Variants in PALS2 observed in about 807,000 individuals in gnomAD.
PALS2 encodes protein PALS2.
A neutral mutation model predicts 61.6 loss-of-function variants in PALS2; 27 were observed. That is an observed-to-expected ratio of 0.44 (90% CI 0.32 to 0.60). The LOEUF is 0.60. PALS2 is among the 20% of genes least tolerant of loss of function. PALS2 has a pLI of 0.05. For missense variants in PALS2, 554 were observed against 639.4 expected (o/e 0.87, Z 1.44); for synonymous variants, 236 against 218.6 (o/e 1.08, Z -0.70).
chr7:24,608,593 G>A (rs926975997), intron 1 of PALS2, among the ~76,000 whole-genome samples: 3 of 152,048 alleles, frequency 2.0e-5, no homozygotes, highest in African/African-American at 7.2e-5. Context: ...TTAGTCTGCT[G>A]TTACATTTTA....
intron 2 of PALS2, among the ~76,000 whole-genome samples, chr7:24,625,820 C>A (rs559179787): frequency 2.0e-5 from 3 of 152,114 alleles, no homozygotes; most frequent in African/African-American, 7.2e-5. Context: ...CAGGCAGATT[C>A]TTAATAAGGA....
intron 1 of PALS2, among the ~76,000 whole-genome samples, chr7:24,602,244 A>G (rs1783745854): frequency 6.6e-6 from 1 of 151,160 alleles, no homozygotes; most frequent in South Asian, 2.1e-4. Context: ...CATGAGTATG[A>G]TATTCTTCTT....
intron 5 of PALS2, 187 bp from the exon 6 acceptor site, chr7:24,663,403 T>A: frequency 2.2e-6 from 1 of 462,542 alleles, no homozygotes. Context: ...AGTTTTATTA[T>A]CTTTCTGATA....
intron 2 of PALS2, among the ~76,000 whole-genome samples, chr7:24,638,029 G>T (rs887016102): frequency 3.3e-5 from 5 of 151,942 alleles, no homozygotes; most frequent in Non-Finnish European, 7.4e-5. Context: ...GTTATTTTTT[G>T]TGTGTGTTTC....
intron 1 of PALS2, among the ~76,000 whole-genome samples, chr7:24,590,899 T>C (rs1336479357): frequency 6.6e-6 from 1 of 151,724 alleles, no homozygotes; most frequent in Non-Finnish European, 1.5e-5. Flanking sequence ...CATTTTTAGA[T>C]GTTTTGTGAG....
At chr7:24,574,464 C>T (rs1222998761) in intron 1 of PALS2, among the ~76,000 whole-genome samples, 2 of 151,970 alleles carry the variant, frequency 1.3e-5, no homozygotes, top group Admixed American at 1.3e-4. Flanking sequence ...CTACCAGTTT[C>T]TGGGATTGCA....
At chr7:24,585,342 G>A (rs566254159) in intron 1 of PALS2, among the ~76,000 whole-genome samples, 16 of 152,148 alleles carry the variant, frequency 1.1e-4, no homozygotes, top group Non-Finnish European at 2.2e-4. Context: ...ATTTCGTTGA[G>A]CAGTGGTTTG....
chr7:24,693,104 T>C lies in PALS2; in HGVS notation c.*5490T>C, dbSNP rs1310623096. The C allele has an allele frequency of 1.3e-5, 2 of 152,182 alleles. No homozygotes were observed. Among genetic ancestry groups the C allele is most frequent in the East Asian group, 1.9e-4 (1 of 5,194 alleles). The allele number at this position is 152,182 out of a possible 1,614,324, so 9.4% of individuals were successfully genotyped here. A position where few individuals can be genotyped will look rare whatever the true frequency, so the allele number is the denominator to read the frequency against. Reference sequence around the variant, plus strand: ...TCCCCTCCTACTGGCTCTTACTGTTTTCTAATCTCCAGTGTAAATGGAATG... The same window carrying C: ...TCCCCTCCTACTGGCTCTTACTGTTCTCTAATCTCCAGTGTAAATGGAATG... On this transcript the variant is annotated 3_prime_UTR_variant, in exon 12 of 12. Coordinates refer to ENST00000222644, the MANE Select transcript of PALS2 (RefSeq NM_001303037.2).
intron 1 of PALS2, among the ~76,000 whole-genome samples, chr7:24,590,646 G>A (rs532299875): frequency 6.6e-6 from 1 of 152,204 alleles, no homozygotes; most frequent in Admixed American, 6.5e-5. Flanking sequence ...CAAAGTAGGG[G>A]TTAGTCCTAT....
chr7:24,640,557 A>G (rs1006455942), intron 2 of PALS2, among the ~76,000 whole-genome samples: 8 of 152,184 alleles, frequency 5.3e-5, no homozygotes, highest in African/African-American at 1.9e-4. Context: ...GGTTTTGTTT[A>G]TGAATTAAAT....
intron 1 of PALS2, among the ~76,000 whole-genome samples, chr7:24,615,644 C>T (rs1313068571): frequency 6.6e-6 from 1 of 151,486 alleles, no homozygotes; most frequent in African/African-American, 2.4e-5. Flanking sequence ...ATGGCTTCAC[C>T]ACTAAATTAT....
intron 5 of PALS2, among the ~76,000 whole-genome samples, chr7:24,655,515 GTC>G (rs1431948343): frequency 1.3e-5 from 2 of 151,452 alleles, no homozygotes; most frequent in African/African-American, 4.9e-5. Flanking sequence ...GTGCATAGCT[GTC>G]TATTATATTA....
intron 9 of PALS2, among the ~76,000 whole-genome samples, chr7:24,675,520 T>C (rs1317190564): frequency 6.8e-6 from 1 of 147,708 alleles, no homozygotes; most frequent in Non-Finnish European, 1.5e-5. Flanking sequence ...TAGGTATATC[T>C]CCCAGTGCTA....
In PALS2 at chr7:24,642,500, A is replaced by G. The variant is rs558099506; in HGVS notation, c.270+632A>G. Reference sequence around the variant, plus strand: ...TAGAAAAATTAACTCATTGAAAAGAATGGAAATCCCCGATAAATACATCCA... The same window carrying G: ...TAGAAAAATTAACTCATTGAAAAGAGTGGAAATCCCCGATAAATACATCCA... On this transcript the variant is annotated intron_variant, in intron 3 of 11. Coordinates refer to ENST00000222644, the MANE Select transcript of PALS2 (RefSeq NM_001303037.2). 3.9e-5 allele frequency among the ~76,000 whole-genome samples: 6 copies of G among 152,276 alleles called. No individual in the cohort carries two copies. The South Asian group carries it at 1.2e-3, about 32-fold the overall frequency.
chr7:24,593,207 C>A (rs1159899755), intron 1 of PALS2, among the ~76,000 whole-genome samples: 1 of 152,084 alleles, frequency 6.6e-6, no homozygotes, highest in Non-Finnish European at 1.5e-5. Flanking sequence ...AAAACCAACT[C>A]CTCTTCTGTT....
chr7:24,599,525 T>TTTTTTTTTTTTTTTTTTG (rs4000763), intron 1 of PALS2, among the ~76,000 whole-genome samples: 1 of 143,624 alleles, frequency 7.0e-6, no homozygotes, highest in African/African-American at 2.6e-5. Context: ...TTTTTTTTTT[T>TTTTTTTTTTTTTTTTTTG]ATGGAGTCTT....
chr7:24,665,889 A>G (rs1273363966), intron 7 of PALS2, 132 bp from the exon 8 acceptor site: 1 of 992,002 alleles, frequency 1.0e-6, no homozygotes, highest in African/African-American at 1.6e-5. Flanking sequence ...GGCTTAACTC[A>G]CCTCCACCCT....
intron 1 of PALS2, among the ~76,000 whole-genome samples, chr7:24,616,889 A>G (rs1475239093): frequency 6.6e-6 from 1 of 152,076 alleles, no homozygotes; most frequent in Non-Finnish European, 1.5e-5. Flanking sequence ...TGTGCCCCAG[A>G]GAGGACTGTT....
intron 1 of PALS2, among the ~76,000 whole-genome samples, chr7:24,617,360 CTT>C (rs1467347494): frequency 6.6e-6 from 1 of 151,992 alleles, no homozygotes; most frequent in Admixed American, 6.6e-5. Context: ...TTTGAATTCT[CTT>C]TGTGATATTT....
Sources: allele counts gnomAD v4.1 joint callset (sites outside exome capture counted in the v4.1 genomes callset), GRCh38; gene constraint gnomAD v4.1.1; transcripts MANE v1.5; gene names NCBI Gene and HGNC (gene_info 2026-07-23, HGNC 2026-07-21).